The following C12orf42 variants were observed in gnomAD, a reference collection of about 807,000 sequenced individuals.
The protein encoded by C12orf42 is uncharacterized protein C12orf42.
In C12orf42, 25 loss-of-function variants were observed where a neutral mutation model predicts 21.6. The ratio of observed to expected loss-of-function variants is 1.16; its 90% confidence interval spans 0.84 to 1.62. The LOEUF is 1.62. Among genes scored for constraint, C12orf42 ranks in the 40% most tolerant of loss-of-function variants. C12orf42 has a pLI of 0.00. For missense variants in C12orf42, 483 were observed against 459.3 expected, an observed-to-expected ratio of 1.05 and a Z score of -0.47; for synonymous variants, 174 against 175.0, an observed-to-expected ratio of 0.99 and a Z score of 0.05.
the C12orf42 span, among the ~76,000 whole-genome samples, chr12:103,166,642 C>A: frequency 6.6e-6 from 1 of 152,078 alleles, no homozygotes; most frequent in African/African-American, 2.4e-5. Flanking sequence ...AGGCAATAAA[C>A]CCTTCTCTTC....
At chr12:103,399,814 TACAC>T (rs2047843575) in intron 3 of C12orf42, among the ~76,000 whole-genome samples, 1 of 152,080 alleles carries the variant, frequency 6.6e-6, no homozygotes, top group African/African-American at 2.4e-5. Context: ...CTGGAATACA[TACAC>T]ACAGACACAG....
chr12:103,359,144 C>A (rs1457775151), intron 4 of C12orf42, among the ~76,000 whole-genome samples: 1 of 152,036 alleles, frequency 6.6e-6, no homozygotes, highest in Non-Finnish European at 1.5e-5. Context: ...TCTTAAATGG[C>A]CCCAATCCTC....
At chr12:103,402,758 G>T (rs1236294316) in intron 2 of C12orf42, among the ~76,000 whole-genome samples, 1 of 152,190 alleles carries the variant, frequency 6.6e-6, no homozygotes, top group Non-Finnish European at 1.5e-5. Flanking sequence ...GACAAAAATG[G>T]AAGAAGAAGC....
chr12:103,296,749 T>G (rs1202179392), intron 4 of C12orf42, among the ~76,000 whole-genome samples: 1 of 152,234 alleles, frequency 6.6e-6, no homozygotes, highest in South Asian at 2.1e-4. Flanking sequence ...TTGTAGATTC[T>G]GGATATTAGC....
the C12orf42 span, among the ~76,000 whole-genome samples, chr12:103,216,348 C>A: frequency 6.6e-6 from 1 of 151,644 alleles, no homozygotes; most frequent in South Asian, 2.1e-4. Context: ...CCAGAATTCT[C>A]TCTGGTGGAG....
chr12:103,382,547 C>A (rs528271386), intron 3 of C12orf42, among the ~76,000 whole-genome samples: 3 of 152,172 alleles, frequency 2.0e-5, no homozygotes, highest in African/African-American at 4.8e-5. Flanking sequence ...AAGAAGAAGA[C>A]CAAATATAGT....
intron 3 of C12orf42, among the ~76,000 whole-genome samples, chr12:103,385,951 T>C (rs2046577303): frequency 6.6e-6 from 1 of 152,170 alleles, no homozygotes. Context: ...AAGGCTCAGC[T>C]TCATTAAAAA....
At chr12:103,473,689 A>C (rs1953802345) in intron 2 of C12orf42, among the ~76,000 whole-genome samples, 1 of 152,114 alleles carries the variant, frequency 6.6e-6, no homozygotes. Context: ...AACCACATGC[A>C]TTTTCCAGTG....
At chr12:103,189,677 C>T in the C12orf42 span, among the ~76,000 whole-genome samples, 1 of 152,162 alleles carries the variant, frequency 6.6e-6, no homozygotes, top group Admixed American at 6.5e-5. Context: ...CCTGAGAACT[C>T]AGGCTTCATG....
At chr12:103,415,654 T>C (rs1391578807) in intron 2 of C12orf42, among the ~76,000 whole-genome samples, 1 of 152,224 alleles carries the variant, frequency 6.6e-6, no homozygotes, top group East Asian at 1.9e-4. Context: ...TGCGGAATAA[T>C]GTTCTGCAAA....
intron 10 of C12orf42, among the ~76,000 whole-genome samples, chr12:103,245,703 C>T (rs1202499380): frequency 1.3e-5 from 2 of 151,992 alleles, no homozygotes; most frequent in Non-Finnish European, 2.9e-5. Context: ...TTTATTAAGC[C>T]TTGATACATA....
At chr12:103,448,153 A>G (rs1951697182) in intron 2 of C12orf42, among the ~76,000 whole-genome samples, 1 of 151,996 alleles carries the variant, frequency 6.6e-6, no homozygotes, top group African/African-American at 2.4e-5. Context: ...CTTATAGCCA[A>G]CTGACCTTCA....
chr12:103,561,205 G>T, the C12orf42 span, among the ~76,000 whole-genome samples: 1 of 152,170 alleles, frequency 6.6e-6, no homozygotes, highest in African/African-American at 2.4e-5. Flanking sequence ...CTGTGGAGAG[G>T]GGGCAGGAGC....
chr12:103,309,774 A>G (rs1354228458), intron 4 of C12orf42, among the ~76,000 whole-genome samples: 3 of 152,238 alleles, frequency 2.0e-5, no homozygotes, highest in East Asian at 1.9e-4. Context: ...AGCAAGACAC[A>G]TATTTCCTGA....
At chr12:103,562,903 C>T in the C12orf42 span, among the ~76,000 whole-genome samples, 2 of 152,212 alleles carry the variant, frequency 1.3e-5, no homozygotes, top group Admixed American at 6.5e-5. Flanking sequence ...GAAAGACTCA[C>T]ATTAACCGGA....
chr12:103,401,509 A>C, intron 3 of C12orf42, 98 bp downstream of exon 3: 1 of 1,020,704 alleles, frequency 9.8e-7, no homozygotes. Flanking sequence ...CTATAAAGTC[A>C]AAAATACAAA....
At chr12:103,137,045 A>G in the C12orf42 span, among the ~76,000 whole-genome samples, 1 of 152,238 alleles carries the variant, frequency 6.6e-6, no homozygotes, top group African/African-American at 2.4e-5. Context: ...TAAACTAAAA[A>G]GCTGCTGCAC....
the C12orf42 span, among the ~76,000 whole-genome samples, chr12:103,222,515 A>T: frequency 2.6e-5 from 4 of 152,208 alleles, no homozygotes; most frequent in African/African-American, 7.2e-5. Flanking sequence ...CTGGGCATAC[A>T]CGTGCAAGTC....
At chr12:103,135,141 G>A in the C12orf42 span, among the ~76,000 whole-genome samples, 1 of 152,070 alleles carries the variant, frequency 6.6e-6, no homozygotes, top group Non-Finnish European at 1.5e-5. Context: ...ACAACCTACT[G>A]GTAGATCAAA....
Sources: allele counts gnomAD v4.1 joint callset (sites outside exome capture counted in the v4.1 genomes callset), GRCh38; gene constraint gnomAD v4.1.1; transcripts MANE v1.5; gene names NCBI Gene and HGNC (gene_info 2026-07-23, HGNC 2026-07-21).